The following LRFN4 variants were observed in gnomAD, a reference collection of about 807,000 sequenced individuals.
LRFN4 encodes the protein leucine rich repeat and fibronectin type III domain containing 4.
In LRFN4, 10 loss-of-function variants were observed where a neutral mutation model predicts 29.0. The observed-to-expected ratio is 0.35, with a 90% CI of 0.21 to 0.59. The LOEUF (loss-of-function observed/expected upper bound fraction) is 0.59. Ranked by LOEUF, LRFN4 falls within the 20% of genes least tolerant of loss-of-function variation. LRFN4 has a pLI of 0.82. For synonymous variants in LRFN4, 493 were observed against 437.0 expected (o/e 1.13, Z -1.60); for missense variants, 850 against 907.9 (o/e 0.94, Z 0.82).
At position 66,860,326 on chromosome 11, in the gene LRFN4, G is replaced by A. The variant is rs1201477604; in HGVS notation, c.*131G>A. 8 of 1,333,270 alleles carry A rather than the reference G, an allele frequency of 6.0e-6. No individual in the cohort carries two copies. Among genetic ancestry groups the A allele is most frequent in the Non-Finnish European group, 8.3e-6 (8 of 961,494 alleles). 82.6% of individuals were successfully genotyped at this position (1,333,270 alleles called of 1,614,324 possible). ...CCTCAGGCTCCCCTGTGTACTTGGA[G>A]GGGCAGGGAGCCCTTTCCTCGGTTC... On this transcript the variant is annotated 3_prime_UTR_variant, in exon 2 of 2. Transcript: ENST00000309602.
chr11:66,859,175 C>T (rs940980194), intron 1 of LRFN4, 82 bp downstream of exon 1: 15 of 1,421,834 alleles, frequency 1.1e-5, no homozygotes, highest in African/African-American at 7.3e-5. Flanking sequence ...TTGCTTCCAC[C>T]CCTCCTCTCT....
rs1380808099 is a variant in LRFN4, at chr11:66,857,599, T to A, written c.-146T>A. On this transcript the variant is annotated 5_prime_UTR_variant, in exon 1 of 2. Transcript: ENST00000309602. This position sits in a 1 kb window ranked among gnomAD's most constrained non-coding sequence, Gnocchi z 7.1. Reference sequence around the variant, plus strand: ...GCAGGCCCCAACCTTCCCTCATCTCTGGCGGCCCTCTTGGGCCTCTGACCC... The same window carrying A: ...GCAGGCCCCAACCTTCCCTCATCTCAGGCGGCCCTCTTGGGCCTCTGACCC... The A allele has an allele frequency of 3.6e-6, 3 of 833,202 alleles. No homozygotes were observed. Among genetic ancestry groups the A allele is most frequent in the East Asian group, 5.4e-5 (2 of 36,898 alleles). 51.6% of individuals were successfully genotyped at this position (833,202 alleles called of 1,614,324 possible). A position where few individuals can be genotyped will look rare whatever the true frequency, so the allele number is the denominator to read the frequency against.
At position 66,859,980 on chromosome 11, in the gene LRFN4, A is replaced by G. The variant is rs1221210384; in HGVS notation, c.1693A>G (p.Ser565Gly). ...HVQSQTNGGP[S>G]PTPKAHPPRS... ...CCAGTCCCAGACCAATGGAGGCCCC[A>G]GCCCCACACCCAAGGCCCACCCGCC... The change falls in exon 2 of 2, where the codon AGC becomes GGC. Residue 565 changes from serine (S) to glycine (G), a missense_variant. Physicochemically the swap from Ser to Gly is moderately conservative, Grantham distance 56. Around this residue, in one of 2 missense-constraint regions of LRFN4, gnomAD observed 744 missense variants for 753.8 expected, o/e 0.99. Coordinates refer to ENST00000309602, the MANE Select transcript of LRFN4 (RefSeq NM_024036.5). 6.2e-7 allele frequency: 1 copy of G among 1,600,576 alleles called. No homozygotes were observed. Among genetic ancestry groups the G allele is most frequent in the African/African-American group, 1.3e-5 (1 of 74,608 alleles).
In LRFN4 at chr11:66,858,831, C is replaced by T. The variant is rs1259900771; in HGVS notation, c.1087C>T (p.Arg363Ter). 1.9e-6 allele frequency: 3 copies of T among 1,550,880 alleles called. No homozygotes were observed. Among genetic ancestry groups the T allele is most frequent in the Non-Finnish European group, 2.6e-6 (3 of 1,148,696 alleles). Reference protein sequence around the residue: ...ATNPAGEATARVELRVLALPH... With the variant: ...ATNPAGEATA ...CAACCCTGCTGGTGAGGCCACAGCC[C>T]GAGTAGAACTGCGGGTGCTGGCCTT... is the stretch of plus-strand genomic sequence containing the variant. Residue 363 changes from arginine to a stop codon, truncating the protein, a stop_gained, in exon 1 of 2, where the codon CGA (arginine) becomes TGA (stop). Transcript: ENST00000309602. LOFTEE classifies it high-confidence loss of function. This position sits in a 1 kb window ranked among gnomAD's most constrained non-coding sequence, Gnocchi z 5.9.
In LRFN4 at chr11:66,857,133, G is replaced by A. The variant is rs1334117573; in HGVS notation, c.-612G>A. 1.4e-5 allele frequency: 2 copies of A among 148,074 alleles called. No individual in the cohort carries two copies. The highest frequency in any genetic ancestry group is 2.4e-5 in the African/African-American group (1 of 40,962). 9.2% of individuals were successfully genotyped at this position (148,074 alleles called of 1,614,324 possible). ...GCGCCGGGAAAAGGTGCCGGGAACC[G>A]AGCGAGCCGGGGCCGCGGGCCCGAG... On this transcript the variant is annotated 5_prime_UTR_variant, in exon 1 of 2. Transcript: ENST00000309602. The surrounding 1 kb of genome is among the most constrained non-coding windows in gnomAD (Gnocchi z 7.1).
chr11:66,858,413 TC>T lies in LRFN4; in HGVS notation c.672del (p.Ala225ProfsTer5). On this transcript the variant is annotated frameshift_variant, in exon 1 of 2. Coordinates refer to ENST00000309602, the MANE Select transcript of LRFN4 (RefSeq NM_024036.5). LOFTEE classifies it high-confidence loss of function. The surrounding 1 kb of genome is among the most constrained non-coding windows in gnomAD (Gnocchi z 5.9). Reference protein sequence around the residue: ...FSRGRDAEASPAPLVLSFSGN... With the variant: ...FSRGRDAEASXAPLVLSFSGN... ...CTCGTGGGCGTGATGCAGAGGCCTC[TC>T]CCGCCCCCCTGGTGCTGAGCTTTAG... The T allele has an allele frequency of 6.4e-7, 1 of 1,556,090 alleles. No homozygotes were observed.
rs753005646 is a variant in LRFN4 at position 66,860,200 on chromosome 11, C to T, written c.*5C>T. On this transcript the variant is annotated 3_prime_UTR_variant, in exon 2 of 2. Transcript: ENST00000309602. ...CTGGAAGAGAGTGTGGTGTGATGGACGGGCAGCTTCCTGTGTGCTCCAAGG... is the reference window on the plus strand; with the variant it reads ...CTGGAAGAGAGTGTGGTGTGATGGATGGGCAGCTTCCTGTGTGCTCCAAGG... The T allele has an allele frequency of 3.5e-5, 54 of 1,543,126 alleles. No individual in the cohort carries two copies. The East Asian group carries it at 8.8e-4, about 25-fold the overall frequency.
rs777341660 is a variant in LRFN4, at chr11:66,858,677, C to T, written c.933C>T (p.Thr311=). Residue 311 remains threonine (T), a synonymous_variant, in exon 1 of 2, where the codon ACC becomes ACT. Coordinates refer to ENST00000309602, the MANE Select transcript of LRFN4 (RefSeq NM_024036.5). The surrounding 1 kb of genome is among the most constrained non-coding windows in gnomAD (Gnocchi z 5.9). Reference sequence around the variant, plus strand: ...GGGCCCTGGGTGACCCCGCGCCTACCATGCACTGGGTCGGTCCTGACGACC... The same window carrying T: ...GGGCCCTGGGTGACCCCGCGCCTACTATGCACTGGGTCGGTCCTGACGACC... The part of the protein sequence containing the change: ...RCRALGDPAP[T]MHWVGPDDRL... 2 of 1,546,548 alleles carry T rather than the reference C, an allele frequency of 1.3e-6. No homozygotes were observed. Among genetic ancestry groups the T allele is most frequent in the African/African-American group, 1.4e-5 (1 of 73,348 alleles).
rs1334696949 is a variant in LRFN4, at chr11:66,857,470, G to C, written c.-275G>C. The C allele has an allele frequency of 4.8e-6, 2 of 420,808 alleles. No individual in the cohort carries two copies. The highest frequency in any genetic ancestry group is 2.0e-5 in the African/African-American group (1 of 48,874). 26.1% of individuals were successfully genotyped at this position (420,808 alleles called of 1,614,324 possible). A position where few individuals can be genotyped will look rare whatever the true frequency, so the allele number is the denominator to read the frequency against. ...AAGTTCCGGGACCCTCCCTGCTCTC[G>C]GTCCTCCTCCGCTTCCTGCCTCATG... On this transcript the variant is annotated 5_prime_UTR_variant, in exon 1 of 2. Coordinates refer to ENST00000309602, the MANE Select transcript of LRFN4 (RefSeq NM_024036.5). The surrounding 1 kb of genome is among the most constrained non-coding windows in gnomAD (Gnocchi z 7.1).
chr11:66,859,188 G>A (rs1591153133), intron 1 of LRFN4, 95 bp downstream of exon 1: 12 of 1,391,108 alleles, frequency 8.6e-6, no homozygotes, highest in Non-Finnish European at 1.0e-5. Flanking sequence ...TCCTCTCTCT[G>A]GGGCTGACAC....
Position 66,857,125 on chromosome 11 carries a change from C to T in LRFN4, c.-620C>T, listed in dbSNP as rs1002849907. On this transcript the variant is annotated 5_prime_UTR_variant, in exon 1 of 2. Coordinates refer to ENST00000309602, the MANE Select transcript of LRFN4 (RefSeq NM_024036.5). The surrounding 1 kb of genome is among the most constrained non-coding windows in gnomAD (Gnocchi z 7.1). ...CGCTAACCGCGCCGGGAAAAGGTGC[C>T]GGGAACCGAGCGAGCCGGGGCCGCG... The T allele has an allele frequency of 6.1e-5, 9 of 147,800 alleles. No individual in the cohort carries two copies. Among genetic ancestry groups the T allele is most frequent in the Admixed American group, 1.3e-4 (2 of 14,896 alleles). 9.2% of individuals were successfully genotyped at this position (147,800 alleles called of 1,614,324 possible). A position where few individuals can be genotyped will look rare whatever the true frequency, so the allele number is the denominator to read the frequency against.
Position 66,858,935 on chromosome 11 carries a change from C to G in LRFN4, c.1191C>G (p.Ala397=), listed in dbSNP as rs200734989. The G allele has an allele frequency of 6.3e-6, 10 of 1,575,500 alleles. No homozygotes were observed. Among genetic ancestry groups the G allele is most frequent in the African/African-American group, 1.4e-5 (1 of 73,968 alleles). ...SDIAASARTA[A]EGEGTLESEP... The stretch of plus-strand genomic sequence containing the variant: ...TCGCCGCCTCCGCTCGCACTGCTGC[C>G]GAGGGTGAGGGGACGCTGGAGTCTG... The change falls in exon 1 of 2, where the codon GCC becomes GCG. Residue 397 remains alanine (A), a synonymous_variant. Transcript: ENST00000309602. This position sits in a 1 kb window ranked among gnomAD's most constrained non-coding sequence, Gnocchi z 5.9.
Position 66,858,581 on chromosome 11 carries a change from G to T in LRFN4, c.837G>T (p.Glu279Asp). Reference protein sequence around the residue: ...WAVPEGEFSCEPPLIARHTQR... With the variant: ...WAVPEGEFSCDPPLIARHTQR... ...TGCCCGAGGGCGAGTTCTCCTGTGA[G>T]CCGCCCCTCATTGCCCGCCACACGC... The change falls in exon 1 of 2, where the codon GAG becomes GAT. Residue 279 changes from glutamate to aspartate, a missense_variant. Coordinates refer to ENST00000309602, the MANE Select transcript of LRFN4 (RefSeq NM_024036.5). The surrounding 1 kb of genome is among the most constrained non-coding windows in gnomAD (Gnocchi z 5.9). The T allele has an allele frequency of 6.5e-7, 1 of 1,533,052 alleles. No homozygotes were observed. 95.0% of individuals were successfully genotyped at this position (1,533,052 alleles called of 1,614,324 possible).
At chr11:66,859,262 T>G (rs1946092809) in intron 1 of LRFN4, among the ~76,000 whole-genome samples, 169 bp downstream of exon 1, 1 of 152,090 alleles carries the variant, frequency 6.6e-6, no homozygotes, top group African/African-American at 2.4e-5. Context: ...CCTGGCTGCC[T>G]GAGGGGGCTG....
At position 66,860,469 on chromosome 11, in the gene LRFN4, C is replaced by A; in HGVS notation, c.*274C>A. 1.4e-6 allele frequency: 1 copy of A among 703,318 alleles called. No homozygotes were observed. Among genetic ancestry groups the A allele is most frequent in the Non-Finnish European group, 2.6e-6 (1 of 385,828 alleles). The allele number at this position is 703,318 out of a possible 1,614,324, so 43.6% of individuals were successfully genotyped here. On this transcript the variant is annotated 3_prime_UTR_variant, in exon 2 of 2. Coordinates refer to ENST00000309602, the MANE Select transcript of LRFN4 (RefSeq NM_024036.5). ...TTATTTATAATAAAATTGTTGGGGA[C>A]ACCTCAGTGCTAGTCTCTGGTGTTG...
Position 66,859,980 on chromosome 11 carries a change from A to C in LRFN4, c.1693A>C (p.Ser565Arg), listed in dbSNP as rs1221210384. The change falls in exon 2 of 2, where the codon AGC (serine) becomes CGC (arginine). Residue 565 changes from serine (S) to arginine (R), a missense_variant. Coordinates refer to ENST00000309602, the MANE Select transcript of LRFN4 (RefSeq NM_024036.5). ...HVQSQTNGGP[S>R]PTPKAHPPRS... is the part of the protein sequence containing the mutation. ...CCAGTCCCAGACCAATGGAGGCCCCAGCCCCACACCCAAGGCCCACCCGCC... is the reference window on the plus strand; with the variant it reads ...CCAGTCCCAGACCAATGGAGGCCCCCGCCCCACACCCAAGGCCCACCCGCC... 6.2e-7 allele frequency: 1 copy of C among 1,600,576 alleles called. No individual in the cohort carries two copies. The highest frequency in any genetic ancestry group is 2.2e-5 in the East Asian group (1 of 44,530).
In LRFN4 at chr11:66,859,004, G is replaced by A. The variant is rs1946070431; in HGVS notation, c.1260G>A (p.Leu420=). The change falls in exon 1 of 2, where the codon CTG becomes CTA. Residue 420 remains leucine (L), a synonymous_variant. Transcript: ENST00000309602. ...CGGAGGTGACCGCCACCTCAGGGCT[G>A]GTGAGCTGGGGTCCCGGGCGGCCAG... ...QVTEVTATSG[L]VSWGPGRPAD... is the part of the protein sequence containing the mutation. 2.0e-6 allele frequency: 3 copies of A among 1,525,446 alleles called. No homozygotes were observed. Among genetic ancestry groups the A allele is most frequent in the South Asian group, 2.6e-5 (2 of 78,006 alleles). 94.5% of individuals were successfully genotyped at this position (1,525,446 alleles called of 1,614,324 possible). A position where few individuals can be genotyped will look rare whatever the true frequency, so the allele number is the denominator to read the frequency against.
Position 66,858,468 on chromosome 11 carries a change from C to T in LRFN4, c.724C>T (p.Leu242=), listed in dbSNP as rs866591797. The change falls in exon 1 of 2, where the codon CTG becomes TTG. Residue 242 remains leucine, a synonymous_variant. Coordinates refer to ENST00000309602, the MANE Select transcript of LRFN4 (RefSeq NM_024036.5). This position sits in a 1 kb window ranked among gnomAD's most constrained non-coding sequence, Gnocchi z 5.9. ...SGNPLHCNCE[L]LWLRRLARPD... Reference sequence around the variant, plus strand: ...GAACCCCCTGCACTGCAACTGTGAGCTGCTGTGGCTGCGGCGGCTGGCGCG... The same window carrying T: ...GAACCCCCTGCACTGCAACTGTGAGTTGCTGTGGCTGCGGCGGCTGGCGCG... 1 of 1,547,662 alleles carries T rather than the reference C, an allele frequency of 6.5e-7. No homozygotes were observed. The highest frequency in any genetic ancestry group is 8.7e-7 in the Non-Finnish European group (1 of 1,153,000).
rs1945915199 is a variant in LRFN4 at position 66,857,254 on chromosome 11, T to C, written c.-491T>C. ...AGGAGTCGGCGGGGGCCGGCCGGGCTCGCAGGGAGGCCGGCCCGCGCCCCC... is the reference window on the plus strand; with the variant it reads ...AGGAGTCGGCGGGGGCCGGCCGGGCCCGCAGGGAGGCCGGCCCGCGCCCCC... On this transcript the variant is annotated 5_prime_UTR_variant, in exon 1 of 2. Coordinates refer to ENST00000309602, the MANE Select transcript of LRFN4 (RefSeq NM_024036.5). This position sits in a 1 kb window ranked among gnomAD's most constrained non-coding sequence, Gnocchi z 7.1. The C allele has an allele frequency of 6.9e-6, 1 of 144,750 alleles. No individual in the cohort carries two copies. 9.0% of individuals were successfully genotyped at this position (144,750 alleles called of 1,614,324 possible). A position where few individuals can be genotyped will look rare whatever the true frequency, so the allele number is the denominator to read the frequency against.
Sources: allele counts gnomAD v4.1 joint callset (sites outside exome capture counted in the v4.1 genomes callset), GRCh38; gene constraint gnomAD v4.1.1; regional missense constraint gnomAD v4.1.1; non-coding constraint Gnocchi (gnomAD v3.1); transcripts MANE v1.5; gene names NCBI Gene and HGNC (gene_info 2026-07-23, HGNC 2026-07-21).